PLD2: variants seen among roughly 807,000 people sequenced by gnomAD.
The protein encoded by PLD2 is choline phosphatase 2.
PLD2 carries 101 observed loss-of-function variants against 119.8 expected under a neutral mutation model. That is an observed-to-expected ratio of 0.84 (90% CI 0.72 to 0.99). The LOEUF is 0.99. Ranked by LOEUF, PLD2 falls within the 50% of genes least tolerant of loss-of-function variation. The pLI, the probability that PLD2 is intolerant of heterozygous loss-of-function variation, is 0.00. For synonymous variants in PLD2, 494 were observed against 482.8 expected (o/e 1.02, Z -0.30); for missense variants, 1,164 against 1,226.8 (o/e 0.95, Z 0.76).
chr17:4,810,876 G>A lies in PLD2; in HGVS notation c.935G>A (p.Gly312Asp), dbSNP rs767985940. Residue 312 changes from glycine to aspartate, a missense_variant, in exon 10 of 25, where the codon GGC (glycine) becomes GAC (aspartate). By Grantham distance (94) the Gly-to-Asp change is moderately conservative. Transcript: ENST00000263088. ...WAQEITELAQ[G>D]PGRDFLQLHR... ...CAAGAGATCACTGAGCTGGCACAGGGCCCAGGCAGAGACTTCCTACAGCTG... is the reference window on the plus strand; with the variant it reads ...CAAGAGATCACTGAGCTGGCACAGGACCCAGGCAGAGACTTCCTACAGCTG... 3.7e-6 allele frequency: 6 copies of A among 1,613,954 alleles called. No homozygotes were observed. The highest frequency in any genetic ancestry group is 5.1e-6 in the Non-Finnish European group (6 of 1,179,952).
At position 4,822,691 on chromosome 17, in the gene PLD2, G is replaced by C; in HGVS notation, c.2629G>C (p.Glu877Gln). 1 of 1,614,134 alleles carries C rather than the reference G, an allele frequency of 6.2e-7. No homozygotes were observed. The highest frequency in any genetic ancestry group is 1.6e-4 in the Middle Eastern group (1 of 6,062). Reference protein sequence around the residue: ...NATRSLRTLREYVAVEPLATV... With the variant: ...NATRSLRTLRQYVAVEPLATV... ...CACGCGTTCCCTGCGGACTCTCCGG[G>C]AGTACGTGGCCGTGGAGCCCTTGGC... Residue 877 changes from glutamate (E) to glutamine (Q), a missense_variant, in exon 25 of 25, where the codon GAG becomes CAG. Physicochemically the swap from Glu to Gln is conservative, Grantham distance 29. Transcript: ENST00000263088.
In PLD2 at chr17:4,817,173, A is replaced by G; in HGVS notation, c.1729A>G (p.Thr577Ala). Residue 577 changes from threonine to alanine, a missense_variant, in exon 17 of 25, where the codon ACA becomes GCA. By Grantham distance (58) the Thr-to-Ala change is moderately conservative (BLOSUM62 0). Transcript: ENST00000263088. ...CACCAAGGCCAAGTACAAGACTCCC[A>G]CATACCCCTACCTGCTTCCCAAGTC... Reference protein sequence around the residue: ...KTTKAKYKTPTYPYLLPKSTS... With the variant: ...KTTKAKYKTPAYPYLLPKSTS... 6.2e-7 allele frequency: 1 copy of G among 1,613,742 alleles called. No homozygotes were observed.
In PLD2 at chr17:4,819,471, A is replaced by T; in HGVS notation, c.2351A>T (p.Asp784Val). 2 of 1,614,014 alleles carry T rather than the reference A, an allele frequency of 1.2e-6. No individual in the cohort carries two copies. Among genetic ancestry groups the T allele is most frequent in the Non-Finnish European group, 1.7e-6 (2 of 1,179,978 alleles). ...INDRSLLGKR[D>V]SELAVLIEDT... ...GACCGGAGCTTGCTGGGGAAGCGGG[A>T]CAGTGAGCTGGCCGTGCTGATCGAG... Residue 784 changes from aspartate to valine, a missense_variant, in exon 23 of 25, where the codon GAC becomes GTC. Physicochemically the swap from Asp to Val is radical, Grantham distance 152. Transcript: ENST00000263088. The surrounding 1 kb of genome is among the most constrained non-coding windows in gnomAD (Gnocchi z 4.2).
chr17:4,813,687 C>T (rs908039211), intron 10 of PLD2, among the ~76,000 whole-genome samples: 4 of 152,148 alleles, frequency 2.6e-5, no homozygotes, highest in African/African-American at 4.8e-5. Flanking sequence ...GGCAAAAACC[C>T]GTCTCTACTA....
At position 4,818,370 on chromosome 17, in the gene PLD2, T is replaced by C; in HGVS notation, c.1994T>C (p.Ile665Thr). 7.4e-6 allele frequency: 12 copies of C among 1,613,928 alleles called. No homozygotes were observed. The highest frequency in any genetic ancestry group is 1.0e-5 in the Non-Finnish European group (12 of 1,179,958). ...GTGGGCGATGAGATTGTGGACAGAA[T>C]CCTGAAGGCCCACAAGTAAGGTGGA... ...NKVGDEIVDR[I>T]LKAHKQGWCY... The change falls in exon 19 of 25, where the codon ATC (isoleucine) becomes ACC (threonine). Residue 665 changes from isoleucine (I) to threonine (T), a missense_variant. Coordinates refer to ENST00000263088, the MANE Select transcript of PLD2 (RefSeq NM_002663.5).
intron 24 of PLD2, among the ~76,000 whole-genome samples, 185 bp from the exon 25 acceptor site, chr17:4,822,455 G>A (rs1346720109): frequency 6.0e-5 from 9 of 151,046 alleles, no homozygotes; most frequent in African/African-American, 2.4e-5. Context: ...TCGCACCATT[G>A]CACTCCAGCC....
chr17:4,809,596 C>T (rs1179021228), intron 7 of PLD2, 45 bp downstream of exon 7: 2 of 1,608,958 alleles, frequency 1.2e-6, no homozygotes, highest in Admixed American at 1.7e-5. Context: ...AGACATCACT[C>T]TTAATTTCTC....
At chr17:4,818,644 C>T (rs1907296711) in intron 20 of PLD2, 37 bp downstream of exon 20, 1 of 1,561,926 alleles carries the variant, frequency 6.4e-7, no homozygotes, top group African/African-American at 1.4e-5. Flanking sequence ...TCAGTGGCCC[C>T]ATCCCACCCG....
rs1190624661 is a variant in PLD2 at position 4,818,522 on chromosome 17, C to A, written c.2038C>A (p.Leu680Ile). 6.2e-7 allele frequency: 1 copy of A among 1,613,954 alleles called. No individual in the cohort carries two copies. Among genetic ancestry groups the A allele is most frequent in the Non-Finnish European group, 8.5e-7 (1 of 1,179,880 alleles). ...KQGWCYRVYV[L>I]LPLLPGFEGD... is the part of the protein sequence containing the mutation. ...GGGGTGGTGTTACCGAGTCTACGTG[C>A]TTTTGCCCTTACTCCCTGGCTTCGA... is the stretch of plus-strand genomic sequence containing the variant. Residue 680 changes from leucine to isoleucine, a missense_variant, in exon 20 of 25, where the codon CTT becomes ATT. By Grantham distance (5) the Leu-to-Ile change is conservative. Transcript: ENST00000263088.
Position 4,808,307 on chromosome 17 carries a change from AC to A in PLD2, c.275del (p.Thr92IlefsTer24). The A allele has an allele frequency of 6.2e-7, 1 of 1,613,680 alleles. No individual in the cohort carries two copies. Among genetic ancestry groups the A allele is most frequent in the Non-Finnish European group, 8.5e-7 (1 of 1,179,878 alleles). ...CTGCACTCTGTATTCTGTCCGCTTG[AC>A]TCACGGCGACTTTTCCTGGACAACC... ...GTCTLYSVRL[T>X]HGDFSWTTKK... On this transcript the variant is annotated frameshift_variant, in exon 4 of 25. Transcript: ENST00000263088. LOFTEE classifies it high-confidence loss of function. The surrounding 1 kb of genome is among the most constrained non-coding windows in gnomAD (Gnocchi z 4.1).
rs1249285990 is a variant in PLD2, at chr17:4,807,376, TCCCGCCTGGACCCCTGCCCCCGG to T, written c.-2+161_-2+183del. ...GGCTGGGATCGCGTAACTTCCTCAT[TCCCGCCTGGACCCCTGCCCCCGG>T]CCCGCCTGGCCTGGCGTGAGCCCCG... is the stretch of plus-strand genomic sequence containing the variant. On this transcript the variant is annotated intron_variant, in intron 1 of 24. Transcript: ENST00000263088. The surrounding 1 kb of genome is among the most constrained non-coding windows in gnomAD (Gnocchi z 5.4). Among the ~76,000 whole-genome samples, 1 of 151,520 alleles carries T rather than the reference TCCCGCCTGGACCCCTGCCCCCGG, an allele frequency of 6.6e-6. No individual in the cohort carries two copies. The highest frequency in any genetic ancestry group is 2.4e-5 in the African/African-American group (1 of 41,198).
At chr17:4,822,431 G>A (rs912370177) in intron 24 of PLD2, among the ~76,000 whole-genome samples, 6 of 151,570 alleles carry the variant, frequency 4.0e-5, no homozygotes, top group Non-Finnish European at 7.4e-5. Context: ...GGTGGAGATT[G>A]TAGTGAGCCG....
intron 24 of PLD2, among the ~76,000 whole-genome samples, chr17:4,822,400 G>C (rs74610625): frequency 0.069 from 10,436 of 151,922 alleles, 397 homozygotes; most frequent in Non-Finnish European, 0.086. Flanking sequence ...GCAGAGGCAG[G>C]AGAATCACTT....
Position 4,808,289 on chromosome 17 carries a change from CTG to C in PLD2, c.258_259del (p.Tyr87PhefsTer66). On this transcript the variant is annotated frameshift_variant, in exon 4 of 25. Coordinates refer to ENST00000263088, the MANE Select transcript of PLD2 (RefSeq NM_002663.5). LOFTEE classifies it high-confidence loss of function. This position sits in a 1 kb window ranked among gnomAD's most constrained non-coding sequence, Gnocchi z 4.1. Reference sequence around the variant, plus strand: ...ATACCCCTAGGTGGGAACCTGCACTCTGTATTCTGTCCGCTTGACTCACGGCG... The same window carrying C: ...ATACCCCTAGGTGGGAACCTGCACTCTATTCTGTCCGCTTGACTCACGGCG... ...TSGSKVGTCT[L>X]YSVRLTHGDF... is the part of the protein sequence containing the mutation. 1 of 1,614,092 alleles carries C rather than the reference CTG, an allele frequency of 6.2e-7. No homozygotes were observed. The highest frequency in any genetic ancestry group is 8.5e-7 in the Non-Finnish European group (1 of 1,179,956).
Position 4,807,770 on chromosome 17 carries a change from A to G in PLD2, c.-1-2A>G. 6.4e-6 allele frequency: 10 copies of G among 1,569,050 alleles called. No individual in the cohort carries two copies. The highest frequency in any genetic ancestry group is 8.7e-6 in the Non-Finnish European group (10 of 1,149,060). On this transcript the variant is annotated splice_acceptor_variant, in intron 1 of 24. Transcript: ENST00000263088. LOFTEE classifies it low-confidence loss of function (5UTR_SPLICE). This position sits in a 1 kb window ranked among gnomAD's most constrained non-coding sequence, Gnocchi z 5.4. ...CTCCCTGAGGCTTCCCAATGTTCCT[A>G]GGATGACGGCGACCCCTGAGAGCCT... is the stretch of plus-strand genomic sequence containing the variant.
chr17:4,821,137 C>T (rs868489858), intron 23 of PLD2, among the ~76,000 whole-genome samples: 8 of 150,888 alleles, frequency 5.3e-5, no homozygotes, highest in African/African-American at 1.7e-4. Flanking sequence ...CTCCTGACCT[C>T]GTGATCCGCC....
chr17:4,815,877 T>A lies in PLD2; in HGVS notation c.1398T>A (p.Asp466Glu). 2 of 1,614,124 alleles carry A rather than the reference T, an allele frequency of 1.2e-6. No individual in the cohort carries two copies. The highest frequency in any genetic ancestry group is 1.7e-6 in the Non-Finnish European group (2 of 1,180,014). ...TGGACCTTGCCTATGGCCGCTGGGA[T>A]GACCTGCACTACCGACTGACTGACC... ...GGLDLAYGRW[D>E]DLHYRLTDLG... The change falls in exon 14 of 25, where the codon GAT (aspartate) becomes GAA (glutamate). Residue 466 changes from aspartate (D) to glutamate (E), a missense_variant. Physicochemically the swap from Asp to Glu is conservative, Grantham distance 45 (BLOSUM62 2). Transcript: ENST00000263088.
At chr17:4,811,577 C>G (rs1036293834) in intron 10 of PLD2, among the ~76,000 whole-genome samples, 2 of 152,082 alleles carry the variant, frequency 1.3e-5, no homozygotes, top group Non-Finnish European at 2.9e-5. Flanking sequence ...CGTGCCCAGC[C>G]TTAATAAACA....
intron 20 of PLD2, 35 bp downstream of exon 20, chr17:4,818,642 C>T: frequency 1.3e-6 from 2 of 1,559,518 alleles, no homozygotes; most frequent in Non-Finnish European, 1.8e-6. Context: ...TCTCAGTGGC[C>T]CCATCCCACC....
Sources: gnomAD v4.1 joint callset for allele counts (sites outside exome capture counted in the v4.1 genomes callset) on GRCh38, gnomAD v4.1.1 for gene constraint, Gnocchi (gnomAD v3.1) non-coding constraint, MANE v1.5 for transcripts, NCBI Gene and HGNC (gene_info 2026-07-23, HGNC 2026-07-21) for gene names.